The following GRM5 variants were observed in gnomAD, a reference collection of about 807,000 sequenced individuals.
GRM5 encodes the protein metabotropic glutamate receptor 5.
A neutral mutation model predicts 83.1 loss-of-function variants in GRM5; 19 were observed. That is an observed-to-expected ratio of 0.23 (90% CI 0.16 to 0.34). The LOEUF is 0.34. Ranked by LOEUF, GRM5 falls within the 10% of genes least tolerant of loss-of-function variation. The pLI is 1.00. For synonymous variants in GRM5, 675 were observed against 633.6 expected (o/e 1.07, Z -0.98); for missense variants, 1,160 against 1,588.3 (o/e 0.73, Z 4.58).
Position 88,849,934 on chromosome 11 carries a change from G to C in GRM5, c.883C>G (p.Leu295Val), listed in dbSNP as rs771032802. The C allele has an allele frequency of 7.4e-6, 12 of 1,614,038 alleles. No homozygotes were observed. The South Asian group carries it at 1.2e-4, about 16-fold the overall frequency. The change falls in exon 3 of 10, where the codon CTA becomes GTA. Residue 295 changes from leucine (L) to valine (V), a missense_variant. This residue lies in a region of GRM5 where 84 missense variants were observed against 231.0 expected (regional missense o/e 0.36). Coordinates refer to ENST00000305447, the MANE Select transcript of GRM5 (RefSeq NM_001143831.3). ...GLLMAMRRLG[L>V]AGEFLLLGSD... is the part of the protein sequence containing the mutation. ...CCCAGAAGCAGAAATTCTCCCGCTA[G>C]ACCCAGGCGCCTCATGGCCATCAGC...
At chr11:88,550,258 C>A (rs1487401133) in intron 8 of GRM5, among the ~76,000 whole-genome samples, 2 of 152,064 alleles carry the variant, frequency 1.3e-5, no homozygotes, top group East Asian at 3.9e-4. Context: ...ACACTTAATT[C>A]TAAAAATTGA....
intron 2 of GRM5, among the ~76,000 whole-genome samples, chr11:88,986,112 T>C (rs1239833340): frequency 6.6e-6 from 1 of 152,180 alleles, no homozygotes; most frequent in African/African-American, 2.4e-5. Flanking sequence ...CTTAAATGGA[T>C]GAACGTTTAA....
intron 2 of GRM5, among the ~76,000 whole-genome samples, chr11:88,873,268 T>G (rs1344361430): frequency 1.3e-5 from 2 of 151,396 alleles, no homozygotes; most frequent in African/African-American, 2.4e-5. Flanking sequence ...TAGCGGTGGG[T>G]TTCAACACCC....
intron 3 of GRM5, among the ~76,000 whole-genome samples, chr11:88,776,670 G>A (rs1413876383): frequency 2.0e-5 from 3 of 152,046 alleles, no homozygotes; most frequent in South Asian, 4.1e-4. Context: ...CTTCTCTGTA[G>A]AGGATTTTAT....
intron 3 of GRM5, among the ~76,000 whole-genome samples, chr11:88,758,150 A>G (rs534727014): frequency 6.6e-6 from 1 of 152,342 alleles, no homozygotes; most frequent in Admixed American, 6.5e-5. Context: ...AACAAGCACA[A>G]GAACTCTAAG....
At chr11:89,056,073 T>C (rs976297315) in intron 1 of GRM5, among the ~76,000 whole-genome samples, 2 of 152,208 alleles carry the variant, frequency 1.3e-5, no homozygotes, top group African/African-American at 4.8e-5. Flanking sequence ...TTATTCCTTA[T>C]TGTTAGATAT....
chr11:88,549,099 A>G (rs1942445493), intron 8 of GRM5, among the ~76,000 whole-genome samples: 1 of 152,192 alleles, frequency 6.6e-6, no homozygotes, highest in African/African-American at 2.4e-5. Context: ...TTGGAGAGTA[A>G]GAAGGCATTT....
chr11:88,780,076 C>A (rs1942943695), intron 3 of GRM5, among the ~76,000 whole-genome samples: 1 of 152,188 alleles, frequency 6.6e-6, no homozygotes, highest in Non-Finnish European at 1.5e-5. Context: ...TGCAGAATCC[C>A]TTCCTGACCT....
chr11:88,985,668 G>A (rs1177637122), intron 2 of GRM5, among the ~76,000 whole-genome samples: 2 of 152,106 alleles, frequency 1.3e-5, no homozygotes, highest in Admixed American at 1.3e-4. Context: ...TGCCTTTGGT[G>A]TCCCCAAGAC....
intron 3 of GRM5, among the ~76,000 whole-genome samples, chr11:88,780,507 T>G (rs1942953569): frequency 6.6e-6 from 1 of 152,026 alleles, no homozygotes; most frequent in African/African-American, 2.4e-5. Context: ...TCTTCTCAAC[T>G]GAAAAATGGG....
In GRM5 at chr11:88,871,330, T is replaced by C. The variant is rs1479932656; in HGVS notation, c.662-21175A>G. On this transcript the variant is annotated intron_variant, in intron 2 of 9. Transcript: ENST00000305447. ...TCTAATATCAAAGCTTAGGTATTTA[T>C]ACACAAGCCTGTTCAACCTACTGCA... Among the ~76,000 whole-genome samples the C allele has an allele frequency of 3.3e-5, 5 of 151,764 alleles. No individual in the cohort carries two copies. The South Asian group carries it at 6.2e-4, about 19-fold the overall frequency.
chr11:88,995,566 A>G (rs1940158824), intron 2 of GRM5, among the ~76,000 whole-genome samples: 1 of 150,980 alleles, frequency 6.6e-6, no homozygotes, highest in African/African-American at 2.4e-5. Flanking sequence ...AAAAAAAAAA[A>G]AAAAGGCCAG....
chr11:88,524,193 TCTTTCTTTC>T (rs1471137023), intron 9 of GRM5: 1 of 97,820 alleles, frequency 1.0e-5, no homozygotes, highest in African/African-American at 4.9e-5. Context: ...TTTTTCTTTT[TCTTTCTTTC>T]TTTCTTTCTT....
At chr11:88,867,010 G>T (rs558562122) in intron 2 of GRM5, among the ~76,000 whole-genome samples, 2 of 151,782 alleles carry the variant, frequency 1.3e-5, no homozygotes, top group Admixed American at 6.7e-5. Flanking sequence ...AAGATCAGGT[G>T]GTTGTAGGTT....
chr11:88,913,236 A>G (rs1565289184), intron 2 of GRM5, among the ~76,000 whole-genome samples: 2 of 152,258 alleles, frequency 1.3e-5, no homozygotes, highest in East Asian at 3.9e-4. Flanking sequence ...CAGTGAGAAA[A>G]TCAGAGGCAT....
Position 88,694,998 on chromosome 11 carries a change from A to G in GRM5, c.912-41595T>C, listed in dbSNP as rs186545671. Among the ~76,000 whole-genome samples the G allele has an allele frequency of 2.4e-3, 362 of 152,312 alleles. 1 individual carries two copies. Among genetic ancestry groups the G allele is most frequent in the Non-Finnish European group, 4.1e-3 (278 of 68,018 alleles). On this transcript the variant is annotated intron_variant, in intron 3 of 9. Coordinates refer to ENST00000305447, the MANE Select transcript of GRM5 (RefSeq NM_001143831.3). ...TCACATGAGCTCTGAACTTAACCATATAAAACATGGCCTTGTACCAATTTA... is the reference window on the plus strand; with the variant it reads ...TCACATGAGCTCTGAACTTAACCATGTAAAACATGGCCTTGTACCAATTTA...
At chr11:88,871,496 A>C (rs1292165105) in intron 2 of GRM5, among the ~76,000 whole-genome samples, 7 of 151,654 alleles carry the variant, frequency 4.6e-5, no homozygotes, top group South Asian at 2.1e-4. Flanking sequence ...AGGCAGCAAG[A>C]CATGGTGGTT....
At chr11:88,722,791 G>A (rs1941578868) in intron 3 of GRM5, among the ~76,000 whole-genome samples, 1 of 152,016 alleles carries the variant, frequency 6.6e-6, no homozygotes, top group Non-Finnish European at 1.5e-5. Context: ...CTCATCCCCA[G>A]TTTCCCCTAA....
intron 2 of GRM5, among the ~76,000 whole-genome samples, chr11:89,034,207 G>T (rs903528714): frequency 2.0e-5 from 3 of 151,778 alleles, no homozygotes; most frequent in Admixed American, 6.6e-5. Context: ...TATAAAAAAA[G>T]ATATTAATGG....
Sources: allele counts gnomAD v4.1 joint callset (sites outside exome capture counted in the v4.1 genomes callset), GRCh38; gene constraint gnomAD v4.1.1; regional missense constraint gnomAD v4.1.1; transcripts MANE v1.5; gene names NCBI Gene and HGNC (gene_info 2026-07-23, HGNC 2026-07-21).